ENTPD4: variants seen among roughly 807,000 people sequenced by gnomAD.
The protein encoded by ENTPD4 is ectonucleoside triphosphate diphosphohydrolase 4, also known as Golgi UDPase.
ENTPD4 carries 60 observed loss-of-function variants against 79.1 expected under a neutral mutation model. That is an observed-to-expected ratio of 0.76 (90% confidence interval 0.62 to 0.94). The LOEUF (loss-of-function observed/expected upper bound fraction) is 0.94. Among genes scored for constraint, ENTPD4 ranks in the 40% least tolerant of loss-of-function variants. The probability of loss-of-function intolerance (pLI) is 0.00; values close to 1 mark genes in which losing one functional copy is unlikely to be tolerated. For missense variants in ENTPD4, 772 were observed against 775.1 expected (o/e 1.00, Z 0.05); for synonymous variants, 276 against 292.0 (o/e 0.95, Z 0.56).
rs1203211691 is a variant in ENTPD4, at chr8:23,432,504, A to T, written c.*422T>A. The T allele has an allele frequency of 3.3e-6, 3 of 912,476 alleles. No individual in the cohort carries two copies. 56.5% of individuals were successfully genotyped at this position (912,476 alleles called of 1,614,324 possible). A position where few individuals can be genotyped will look rare whatever the true frequency, so the allele number is the denominator to read the frequency against. ...AGACAGCAGGGCTTATAAACAATGC[A>T]TTTTTTTTTTTTGAGACGGAGTCTC... On this transcript the variant is annotated 3_prime_UTR_variant, in exon 13 of 13. Coordinates refer to ENST00000358689, the MANE Select transcript of ENTPD4 (RefSeq NM_004901.5).
chr8:23,436,201 A>C (rs914194398), intron 10 of ENTPD4, among the ~76,000 whole-genome samples: 11 of 152,242 alleles, frequency 7.2e-5, no homozygotes, highest in Admixed American at 5.2e-4. Context: ...ATTACAGCAT[A>C]CAGTGCTCTG....
chr8:23,442,226 A>G (rs1285940387), intron 6 of ENTPD4, among the ~76,000 whole-genome samples, 160 bp from the exon 7 acceptor site: 1 of 152,184 alleles, frequency 6.6e-6, no homozygotes, highest in Non-Finnish European at 1.5e-5. Flanking sequence ...TATTACTCCA[A>G]ATGGCTTTCC....
rs1376378651 is a variant in ENTPD4 at position 23,432,690 on chromosome 8, G to C, written c.*236C>G. On this transcript the variant is annotated 3_prime_UTR_variant, in exon 13 of 13. Transcript: ENST00000358689. ...ATTTTTTGTATTTTTAGTAGAGACGGGGTTTCACCGTGTTAGCCAGGATGG... is the reference window on the plus strand; with the variant it reads ...ATTTTTTGTATTTTTAGTAGAGACGCGGTTTCACCGTGTTAGCCAGGATGG... The C allele has an allele frequency of 3.3e-6, 3 of 910,734 alleles. No individual in the cohort carries two copies. Among genetic ancestry groups the C allele is most frequent in the African/African-American group, 1.7e-5 (1 of 58,084 alleles). 56.4% of individuals were successfully genotyped at this position (910,734 alleles called of 1,614,324 possible).
At chr8:23,448,622 G>C in intron 3 of ENTPD4, 120 bp downstream of exon 3, 2 of 783,856 alleles carry the variant, frequency 2.6e-6, no homozygotes, top group East Asian at 2.6e-5. Context: ...AGAACAGTTA[G>C]AAACAAATTG....
intron 8 of ENTPD4, 77 bp from the exon 9 acceptor site, chr8:23,439,992 G>C: frequency 7.6e-7 from 1 of 1,310,894 alleles, no homozygotes; most frequent in Non-Finnish European, 1.1e-6. Flanking sequence ...TCTAAAAATA[G>C]TCTCATCTAA....
rs148273092 is a variant in ENTPD4, at chr8:23,448,890, G to A, written c.58C>T (p.Pro20Ser). Residue 20 changes from proline (P) to serine (S), a missense_variant, in exon 3 of 13, where the codon CCA (proline) becomes TCA (serine). Transcript: ENST00000358689. The stretch of plus-strand genomic sequence containing the variant: ...TTCAGAATTCGAGGACACCCTACTG[G>A]AGATATGCTAAAATGCCAAGAAGCA... ...FPASWHFSIS[P>S]VGCPRILNTN... is the part of the protein sequence containing the mutation. 151 of 1,614,060 alleles carry A rather than the reference G, an allele frequency of 9.4e-5. No homozygotes were observed. The African/African-American group carries it at 1.9e-3, about 20-fold the overall frequency.
At chr8:23,437,478 C>T (rs897030628) in intron 9 of ENTPD4, among the ~76,000 whole-genome samples, 1 of 152,114 alleles carries the variant, frequency 6.6e-6, no homozygotes, top group Non-Finnish European at 1.5e-5. Context: ...AGCAGACAGG[C>T]TACCAGAGTC....
chr8:23,446,171 T>A (rs1010758129), intron 4 of ENTPD4, among the ~76,000 whole-genome samples: 1 of 152,244 alleles, frequency 6.6e-6, no homozygotes, highest in Admixed American at 6.5e-5. Context: ...TTCCATTTCA[T>A]ACACTTTGTA....
At chr8:23,438,250 C>T (rs1366756035) in intron 9 of ENTPD4, among the ~76,000 whole-genome samples, 1 of 152,198 alleles carries the variant, frequency 6.6e-6, no homozygotes, top group Non-Finnish European at 1.5e-5. Flanking sequence ...AGGTGTTGAA[C>T]TGTTAAAGGG....
chr8:23,451,689 T>C (rs1162065134), intron 1 of ENTPD4, among the ~76,000 whole-genome samples: 2 of 152,184 alleles, frequency 1.3e-5, no homozygotes, highest in Non-Finnish European at 2.9e-5. Context: ...GCCACACCAA[T>C]GTTCCGAGTG....
intron 3 of ENTPD4, among the ~76,000 whole-genome samples, chr8:23,448,223 T>C (rs936455863): frequency 4.6e-5 from 7 of 152,242 alleles, no homozygotes; most frequent in African/African-American, 1.4e-4. Flanking sequence ...TCTTATGATA[T>C]GGATTTGGTA....
intron 9 of ENTPD4, among the ~76,000 whole-genome samples, chr8:23,439,312 G>T (rs1432414700): frequency 6.6e-6 from 1 of 152,012 alleles, no homozygotes; most frequent in African/African-American, 2.4e-5. Flanking sequence ...AGCTGCACTG[G>T]CTGCTTCATC....
intron 8 of ENTPD4, 37 bp downstream of exon 8, chr8:23,441,532 C>T (rs775145698): frequency 6.2e-7 from 1 of 1,603,868 alleles, no homozygotes; most frequent in Non-Finnish European, 8.5e-7. Flanking sequence ...TAAATGAAAA[C>T]CAAACCAAAC....
Position 23,431,912 on chromosome 8 carries a change from G to A in ENTPD4, c.*1014C>T. ...TACCTGCGGTCAGGAAAAGATAACA[G>A]TAACGAGGATTTTTCTAAATAAAAT... On this transcript the variant is annotated 3_prime_UTR_variant, in exon 13 of 13. Coordinates refer to ENST00000358689, the MANE Select transcript of ENTPD4 (RefSeq NM_004901.5). 1.0e-6 allele frequency: 1 copy of A among 985,398 alleles called. No homozygotes were observed. Among genetic ancestry groups the A allele is most frequent in the Non-Finnish European group, 1.2e-6 (1 of 829,912 alleles). The allele number at this position is 985,398 out of a possible 1,614,324, so 61.0% of individuals were successfully genotyped here.
At position 23,432,197 on chromosome 8, in the gene ENTPD4, A is replaced by G; in HGVS notation, c.*729T>C. 3 of 983,890 alleles carry G rather than the reference A, an allele frequency of 3.0e-6. No homozygotes were observed. The highest frequency in any genetic ancestry group is 3.6e-6 in the Non-Finnish European group (3 of 829,692). 60.9% of individuals were successfully genotyped at this position (983,890 alleles called of 1,614,324 possible). On this transcript the variant is annotated 3_prime_UTR_variant, in exon 13 of 13. Coordinates refer to ENST00000358689, the MANE Select transcript of ENTPD4 (RefSeq NM_004901.5). ...AAAAAAATCACCCTCTTCAGGTTAG[A>G]GCTTTCAAGATAGAGAAAAAAGAGG...
chr8:23,429,782 C>T lies in ENTPD4; in HGVS notation c.*3144G>A, dbSNP rs1272397061. ...AGCCACCAGCAGCGTCTTCACTCCGCCCAGGTCAGAAAGCACTGCCTAAAG... is the reference window on the plus strand; with the variant it reads ...AGCCACCAGCAGCGTCTTCACTCCGTCCAGGTCAGAAAGCACTGCCTAAAG... On this transcript the variant is annotated 3_prime_UTR_variant, in exon 13 of 13. Transcript: ENST00000358689. 14 of 985,340 alleles carry T rather than the reference C, an allele frequency of 1.4e-5. No individual in the cohort carries two copies. The highest frequency in any genetic ancestry group is 9.4e-5 in the South Asian group (2 of 21,290). The allele number at this position is 985,340 out of a possible 1,614,324, so 61.0% of individuals were successfully genotyped here. A position where few individuals can be genotyped will look rare whatever the true frequency, so the allele number is the denominator to read the frequency against.
rs747335348 is a variant in ENTPD4, at chr8:23,434,341, T to C, written c.1598A>G (p.Tyr533Cys). The C allele has an allele frequency of 8.7e-6, 14 of 1,614,066 alleles. No homozygotes were observed. Among genetic ancestry groups the C allele is most frequent in the African/African-American group, 1.3e-5 (1 of 74,930 alleles). The stretch of plus-strand genomic sequence containing the variant: ...CCTTAATGGTAGAAAGCGGGTCCTG[T>C]AGAGGATGGCTCCAAGGGTCCACTG... ...EVQWTLGAIL[Y>C]RTRFLPLRDI... Residue 533 changes from tyrosine (Y) to cysteine (C), a missense_variant, in exon 12 of 13, where the codon TAC becomes TGC. Physicochemically the swap from Tyr to Cys is radical, Grantham distance 194. Coordinates refer to ENST00000358689, the MANE Select transcript of ENTPD4 (RefSeq NM_004901.5).
At chr8:23,443,985 A>C in intron 5 of ENTPD4, 32 bp from the exon 6 acceptor site, 1 of 1,434,070 alleles carries the variant, frequency 7.0e-7, no homozygotes, top group Non-Finnish European at 9.8e-7. Context: ...TACAAATCAA[A>C]AGATTACAGC....
Position 23,439,794 on chromosome 8 carries a change from T to C in ENTPD4, c.1004A>G (p.Gln335Arg). The C allele has an allele frequency of 6.2e-7, 1 of 1,614,224 alleles. No homozygotes were observed. Among genetic ancestry groups the C allele is most frequent in the South Asian group, 1.1e-5 (1 of 91,082 alleles). ...FLGFGGNAARQRYEDRIFANT... is the reference protein window; with the variant it reads ...FLGFGGNAARRRYEDRIFANT... ...GGCAAATATTCTGTCTTCGTATCTC[T>C]GTCGAGCAGCATTGCCACCAAACCC... The change falls in exon 9 of 13, where the codon CAG (glutamine) becomes CGG (arginine). Residue 335 changes from glutamine to arginine, a missense_variant. Physicochemically the swap from Gln to Arg is conservative, Grantham distance 43 (BLOSUM62 1). Coordinates refer to ENST00000358689, the MANE Select transcript of ENTPD4 (RefSeq NM_004901.5).
Sources: gnomAD v4.1 joint callset for allele counts (sites outside exome capture counted in the v4.1 genomes callset) on GRCh38, gnomAD v4.1.1 for gene constraint, MANE v1.5 for transcripts, NCBI Gene and HGNC (gene_info 2026-07-23, HGNC 2026-07-21) for gene names.